Variants in OLFM3 observed in about 807,000 individuals in gnomAD.
OLFM3 encodes olfactomedin 3.
Under a neutral mutation model 48.6 loss-of-function variants are expected in OLFM3, and 20 were observed. The ratio of observed to expected loss-of-function variants is 0.41; its 90% CI spans 0.29 to 0.60. The LOEUF (loss-of-function observed/expected upper bound fraction) is 0.60. Ranked by LOEUF, OLFM3 falls within the 20% of genes least tolerant of loss-of-function variation. OLFM3 has a pLI of 0.28. For synonymous variants in OLFM3, 222 were observed against 198.1 expected (o/e 1.12, Z -1.01); for missense variants, 437 against 544.3 (o/e 0.80, Z 1.96).
chr1:101,969,771 C>T (rs1660729999), intron 1 of OLFM3, among the ~76,000 whole-genome samples: 2 of 151,844 alleles, frequency 1.3e-5, no homozygotes, highest in Non-Finnish European at 1.5e-5. Flanking sequence ...AAGATGTGTC[C>T]GTGTCTATGT....
chr1:101,885,522 C>T (rs2100997029), intron 1 of OLFM3, among the ~76,000 whole-genome samples: 1 of 152,174 alleles, frequency 6.6e-6, no homozygotes, highest in Non-Finnish European at 1.5e-5. Context: ...TTCTCTCCTT[C>T]CATCTCCTTC....
intron 1 of OLFM3, among the ~76,000 whole-genome samples, chr1:101,904,978 A>G (rs1033647537): frequency 1.3e-5 from 2 of 152,210 alleles, no homozygotes; most frequent in Non-Finnish European, 2.9e-5. Context: ...CTGAGGAGTT[A>G]TTTGTCAAAA....
intron 1 of OLFM3, among the ~76,000 whole-genome samples, chr1:101,968,705 A>G (rs1660695288): frequency 6.6e-6 from 1 of 152,160 alleles, no homozygotes; most frequent in African/African-American, 2.4e-5. Flanking sequence ...ACACTATATA[A>G]AATTGTCCCT....
intron 4 of OLFM3, among the ~76,000 whole-genome samples, chr1:101,809,583 A>C (rs1653949885): frequency 6.6e-6 from 1 of 151,940 alleles, no homozygotes; most frequent in African/African-American, 2.4e-5. Flanking sequence ...TCAGACAAGA[A>C]AATAGTGACT....
At chr1:101,839,538 G>T (rs1274464017) in intron 1 of OLFM3, among the ~76,000 whole-genome samples, 2 of 152,200 alleles carry the variant, frequency 1.3e-5, no homozygotes, top group African/African-American at 4.8e-5. Context: ...ATTGAGGCTT[G>T]TCACTAGGAT....
chr1:101,925,779 C>T (rs530535916), intron 1 of OLFM3, among the ~76,000 whole-genome samples: 2 of 152,004 alleles, frequency 1.3e-5, no homozygotes, highest in East Asian at 3.9e-4. Context: ...ATCCTCCTGT[C>T]TCAGCCCCAC....
intron 1 of OLFM3, among the ~76,000 whole-genome samples, chr1:101,898,890 G>A (rs1658295978): frequency 6.6e-6 from 1 of 151,998 alleles, no homozygotes; most frequent in Non-Finnish European, 1.5e-5. Context: ...TTGAATGACA[G>A]CAGTACAAAA....
intron 1 of OLFM3, among the ~76,000 whole-genome samples, chr1:101,932,698 A>C (rs1241059590): frequency 6.6e-6 from 1 of 152,218 alleles, no homozygotes; most frequent in Non-Finnish European, 1.5e-5. Context: ...ACATCAACCC[A>C]CACAGATGAC....
chr1:101,902,020 A>G (rs1658403325), intron 1 of OLFM3, among the ~76,000 whole-genome samples: 1 of 152,088 alleles, frequency 6.6e-6, no homozygotes, highest in African/African-American at 2.4e-5. Context: ...AGAGAGCAAC[A>G]GGGTTAAAAA....
intron 1 of OLFM3, 154 bp from the exon 2 acceptor site, chr1:101,837,179 T>TA (rs1423876932): frequency 1.5e-5 from 11 of 712,354 alleles, no homozygotes; most frequent in African/African-American, 1.3e-4. Flanking sequence ...ACAATTTATA[T>TA]AGGCAGTATA....
chr1:101,920,584 T>C (rs546242293), intron 1 of OLFM3, among the ~76,000 whole-genome samples: 1 of 152,346 alleles, frequency 6.6e-6, no homozygotes, highest in Non-Finnish European at 1.5e-5. Flanking sequence ...ATTTTTCCTG[T>C]TTGTGTTTAG....
At chr1:101,829,108 G>A (rs6669772) in intron 3 of OLFM3, among the ~76,000 whole-genome samples, 10,973 of 152,108 alleles carry the variant, frequency 0.072, 507 homozygotes, top group Admixed American at 0.13. Flanking sequence ...GACAGATTAC[G>A]TATAATACAT....
intron 1 of OLFM3, among the ~76,000 whole-genome samples, chr1:101,921,736 A>G (rs1391839191): frequency 1.3e-5 from 2 of 152,210 alleles, no homozygotes; most frequent in African/African-American, 4.8e-5. Context: ...GTATGAACTG[A>G]TGAGAAAACT....
chr1:101,903,173 A>T lies in OLFM3; in HGVS notation c.70-66148T>A, dbSNP rs181929698. Among the ~76,000 whole-genome samples, 16 of 152,188 alleles carry T rather than the reference A, an allele frequency of 1.1e-4. No individual in the cohort carries two copies. The East Asian group carries it at 3.1e-3, about 29-fold the overall frequency. Reference sequence around the variant, plus strand: ...CAAGGTGAGAGTTGTCATATGTTTTAAATGACTGACACTGGAGTCCAGTCT... The same window carrying T: ...CAAGGTGAGAGTTGTCATATGTTTTTAATGACTGACACTGGAGTCCAGTCT... On this transcript the variant is annotated intron_variant, in intron 1 of 5. Coordinates refer to ENST00000370103, the MANE Select transcript of OLFM3 (RefSeq NM_058170.4).
rs568005492 is a variant in OLFM3, at chr1:101,812,470, C to T, written c.593-6288G>A. 3 of 985,328 alleles carry T rather than the reference C, an allele frequency of 3.0e-6. No individual in the cohort carries two copies. In the African/African-American group the frequency reaches 5.2e-5, roughly 17 times the overall value. The allele number at this position is 985,328 out of a possible 1,614,324, so 61.0% of individuals were successfully genotyped here. On this transcript the variant is annotated intron_variant, in intron 4 of 5. Coordinates refer to ENST00000370103, the MANE Select transcript of OLFM3 (RefSeq NM_058170.4). ...AAGAAGACACAATTCTGGTATTTGT[C>T]TCAAATGTCTGCATATTTCAGATGT... is the stretch of plus-strand genomic sequence containing the variant.
chr1:101,838,421 G>T (rs1192509306), intron 1 of OLFM3, among the ~76,000 whole-genome samples: 1 of 152,094 alleles, frequency 6.6e-6, no homozygotes, highest in East Asian at 1.9e-4. Flanking sequence ...CAAGCACAAA[G>T]ATAAGCATTA....
At chr1:101,939,515 G>T (rs990033593) in intron 1 of OLFM3, among the ~76,000 whole-genome samples, 5 of 152,130 alleles carry the variant, frequency 3.3e-5, no homozygotes, top group African/African-American at 1.2e-4. Flanking sequence ...GGACAAACTT[G>T]AGTGTGTCTT....
At chr1:101,898,201 A>G (rs1399403886) in intron 1 of OLFM3, among the ~76,000 whole-genome samples, 3 of 145,780 alleles carry the variant, frequency 2.1e-5, no homozygotes, top group African/African-American at 7.3e-5. Context: ...TAAAAAACTG[A>G]TTATTTTTGA....
At chr1:101,900,821 T>A (rs1658365766) in intron 1 of OLFM3, among the ~76,000 whole-genome samples, 1 of 152,044 alleles carries the variant, frequency 6.6e-6, no homozygotes, top group Non-Finnish European at 1.5e-5. Flanking sequence ...GGGATAAAGG[T>A]TAATGGCATC....
Sources: gnomAD v4.1 joint callset for allele counts (sites outside exome capture counted in the v4.1 genomes callset) on GRCh38, gnomAD v4.1.1 for gene constraint, MANE v1.5 for transcripts, NCBI Gene and HGNC (gene_info 2026-07-23, HGNC 2026-07-21) for gene names.